MROH7: variants seen among roughly 807,000 people sequenced by gnomAD.
The protein encoded by MROH7 is maestro heat like repeat family member 7.
MROH7 carries 113 observed loss-of-function variants against 129.2 expected under a neutral mutation model. The observed-to-expected ratio is 0.87, with a 90% CI of 0.75 to 1.02. MROH7 has a LOEUF of 1.02. Among genes scored for constraint, MROH7 ranks in the 50% least tolerant of loss-of-function variants. The pLI is 0.00. For missense variants in MROH7, 1,601 were observed against 1,671.3 expected (o/e 0.96, Z 0.73); for synonymous variants, 655 against 667.9 (o/e 0.98, Z 0.30).
At chr1:54,678,615 G>A in intron 10 of MROH7, 127 bp from the exon 11 acceptor site, 1 of 653,010 alleles carries the variant, frequency 1.5e-6, no homozygotes, top group Non-Finnish European at 2.7e-6. Context: ...TTGGGGGCTG[G>A]CTACAATGGT....
intron 17 of MROH7, chr1:54,699,172 T>TG (rs1488953110): frequency 1.1e-4 from 14 of 130,930 alleles, no homozygotes; most frequent in African/African-American, 4.1e-4. Context: ...TCTTTCTTTC[T>TG]TTCTTTCTTT....
chr1:54,643,543 T>C (rs897581763), intron 1 of MROH7, among the ~76,000 whole-genome samples: 1 of 152,150 alleles, frequency 6.6e-6, no homozygotes, highest in Non-Finnish European at 1.5e-5. Flanking sequence ...ACTCCTGGCC[T>C]GTCCACCAGT....
chr1:54,649,772 G>A (rs1644527593), intron 1 of MROH7, among the ~76,000 whole-genome samples: 1 of 152,204 alleles, frequency 6.6e-6, no homozygotes, highest in Non-Finnish European at 1.5e-5. Context: ...ACACACGGGT[G>A]GCAGAGATCA....
intron 13 of MROH7, 125 bp downstream of exon 13, chr1:54,680,170 T>G: frequency 1.2e-6 from 1 of 805,700 alleles, no homozygotes. Context: ...CCTTCTGTGA[T>G]CTGGGGTGTT....
At chr1:54,709,767 A>G (rs1047210250) in intron 23 of MROH7, among the ~76,000 whole-genome samples, 179 bp from the exon 24 acceptor site, 1 of 152,062 alleles carries the variant, frequency 6.6e-6, no homozygotes, top group Non-Finnish European at 1.5e-5. Flanking sequence ...TGGAGGAGGC[A>G]GGTTTTGATT....
chr1:54,648,902 G>A (rs1043874981), intron 1 of MROH7, among the ~76,000 whole-genome samples: 1 of 152,134 alleles, frequency 6.6e-6, no homozygotes, highest in Non-Finnish European at 1.5e-5. Flanking sequence ...GTGAGAAAGA[G>A]AGCACTCAAG....
chr1:54,678,435 A>G (rs1457853770), intron 10 of MROH7, among the ~76,000 whole-genome samples: 1 of 151,704 alleles, frequency 6.6e-6, no homozygotes, highest in Non-Finnish European at 1.5e-5. Context: ...GCAGAAGAAG[A>G]CAGACATCAA....
At chr1:54,692,768 T>G (rs1314866452) in intron 16 of MROH7, among the ~76,000 whole-genome samples, 1 of 152,248 alleles carries the variant, frequency 6.6e-6, no homozygotes, top group Non-Finnish European at 1.5e-5. Context: ...CAGAGGTTCC[T>G]GGCAATTGTG....
chr1:54,644,707 G>T (rs1333669663), intron 1 of MROH7, among the ~76,000 whole-genome samples: 1 of 149,658 alleles, frequency 6.7e-6, no homozygotes, highest in Non-Finnish European at 1.5e-5. Context: ...CCACTGTGTT[G>T]CCCAGGCTGG....
chr1:54,658,414 C>T (rs72669916), intron 3 of MROH7, among the ~76,000 whole-genome samples: 86 of 152,226 alleles, frequency 5.6e-4, no homozygotes, highest in South Asian at 5.2e-3. Context: ...AAGTATGAGT[C>T]CTCCAGCTTT....
chr1:54,688,800 GA>G (rs1463434008), intron 15 of MROH7, among the ~76,000 whole-genome samples: 3 of 152,014 alleles, frequency 2.0e-5, no homozygotes, highest in Non-Finnish European at 2.9e-5. Flanking sequence ...AACACAAGGG[GA>G]AAAAAAGGAG....
chr1:54,650,595 C>T (rs913235646), intron 1 of MROH7, among the ~76,000 whole-genome samples: 1 of 151,742 alleles, frequency 6.6e-6, no homozygotes, highest in Non-Finnish European at 1.5e-5. Context: ...TCTCTTACCT[C>T]TCCTTTCTTC....
intron 3 of MROH7, among the ~76,000 whole-genome samples, chr1:54,658,746 T>C (rs188137096): frequency 1.4e-4 from 22 of 152,278 alleles, no homozygotes; most frequent in Non-Finnish European, 2.2e-4. Context: ...TTTGGCACTA[T>C]TGATATTTTG....
chr1:54,643,759 A>G (rs1369929180), intron 1 of MROH7, among the ~76,000 whole-genome samples: 1 of 152,222 alleles, frequency 6.6e-6, no homozygotes, highest in Admixed American at 6.5e-5. Flanking sequence ...TGTCATGGTT[A>G]GACTTGCATG....
intron 20 of MROH7, 72 bp from the exon 21 acceptor site, chr1:54,702,551 T>C: frequency 7.2e-7 from 1 of 1,392,190 alleles, no homozygotes; most frequent in Non-Finnish European, 9.5e-7. Flanking sequence ...AAACTGAGTT[T>C]TCAAAATCCC....
chr1:54,679,476 G>T (rs754081781), intron 12 of MROH7, 37 bp downstream of exon 12: 24 of 1,596,764 alleles, frequency 1.5e-5, no homozygotes, highest in Non-Finnish European at 2.0e-5. Flanking sequence ...AACTGTCACT[G>T]GGGCTCGGGA....
intron 3 of MROH7, 114 bp from the exon 4 acceptor site, chr1:54,665,053 G>T: frequency 1.4e-6 from 1 of 705,066 alleles, no homozygotes; most frequent in East Asian, 2.7e-5. Flanking sequence ...CAGTGTGGCT[G>T]CTGGGGTGGG....
In MROH7 at chr1:54,653,836, T is replaced by TC; in HGVS notation, c.912dup (p.Ser305GlnfsTer12). 1 of 1,614,084 alleles carries TC rather than the reference T, an allele frequency of 6.2e-7. No individual in the cohort carries two copies. On this transcript the variant is annotated frameshift_variant, in exon 3 of 24. Transcript: ENST00000421030. LOFTEE classifies it high-confidence loss of function. Reference sequence around the variant, plus strand: ...CTCGTATGTGACCCTGATTCCTGGCTCCAGCTATGGTATCAGCCTGCACTC... The same window carrying TC: ...CTCGTATGTGACCCTGATTCCTGGCTCCCAGCTATGGTATCAGCCTGCACTC...
chr1:54,644,979 T>G (rs1644442821), intron 1 of MROH7, among the ~76,000 whole-genome samples: 1 of 151,856 alleles, frequency 6.6e-6, no homozygotes, highest in African/African-American at 2.4e-5. Flanking sequence ...CTGGCTAATT[T>G]TTGAATTTTT....
Sources: gnomAD v4.1 joint callset for allele counts (sites outside exome capture counted in the v4.1 genomes callset) on GRCh38, gnomAD v4.1.1 for gene constraint, MANE v1.5 for transcripts, NCBI Gene and HGNC (gene_info 2026-07-23, HGNC 2026-07-21) for gene names.